Variants in PTK2B observed in about 807,000 individuals in gnomAD.
The protein encoded by PTK2B is protein tyrosine kinase 2 beta.
PTK2B carries 71 observed loss-of-function variants against 142.9 expected under a neutral mutation model. That is an observed-to-expected ratio of 0.50 (90% CI 0.41 to 0.61). PTK2B has a LOEUF of 0.61. Ranked by LOEUF, PTK2B falls within the 20% of genes least tolerant of loss-of-function variation. PTK2B has a pLI of 0.00. For missense variants in PTK2B, 1,105 were observed against 1,320.4 expected, an observed-to-expected ratio of 0.84 and a Z score of 2.53; for synonymous variants, 519 against 503.4, an observed-to-expected ratio of 1.03 and a Z score of -0.42.
chr8:27,383,935 G>C (rs570635346), intron 1 of PTK2B, among the ~76,000 whole-genome samples: 1 of 148,980 alleles, frequency 6.7e-6, no homozygotes, highest in African/African-American at 2.5e-5. Context: ...CACAACCTTC[G>C]CCTCCCAGGT....
At chr8:27,440,567 C>A in intron 21 of PTK2B, 126 bp downstream of exon 21, 1 of 1,117,218 alleles carries the variant, frequency 9.0e-7, no homozygotes, top group Non-Finnish European at 1.3e-6. Flanking sequence ...GGACAGGAGG[C>A]TGAAGCCAGG....
intron 1 of PTK2B, among the ~76,000 whole-genome samples, chr8:27,335,448 C>T (rs945940541): frequency 2.6e-5 from 4 of 152,026 alleles, no homozygotes; most frequent in Non-Finnish European, 5.9e-5. Flanking sequence ...AAAAATTAGC[C>T]GGATATTGTG....
intron 27 of PTK2B, chr8:27,451,868 A>G (rs751770872): frequency 2.5e-5 from 18 of 715,000 alleles, no homozygotes; most frequent in Non-Finnish European, 3.1e-5. Context: ...TGCCTGTCCC[A>G]GTTCAGATTC....
chr8:27,439,213 G>A, intron 19 of PTK2B, 82 bp downstream of exon 19: 3 of 1,561,752 alleles, frequency 1.9e-6, no homozygotes, highest in Non-Finnish European at 2.6e-6. Flanking sequence ...GTCTACAGTT[G>A]GACAGCCCAG....
upstream of PTK2B, chr8:27,311,439 T>C: frequency 3.0e-6 from 2 of 657,642 alleles, no homozygotes; most frequent in East Asian, 6.1e-5. Context: ...CCACTTCCGG[T>C]GTGCGCGGGA....
chr8:27,334,363 C>T (rs1471428545), intron 1 of PTK2B, among the ~76,000 whole-genome samples: 1 of 152,188 alleles, frequency 6.6e-6, no homozygotes, highest in African/African-American at 2.4e-5. Flanking sequence ...CCCAGCCAGC[C>T]TGGTGTGCTC....
chr8:27,403,274 G>A (rs1206369417), intron 2 of PTK2B, among the ~76,000 whole-genome samples: 4 of 152,190 alleles, frequency 2.6e-5, no homozygotes, highest in African/African-American at 9.7e-5. Flanking sequence ...ACATAGGAGT[G>A]TCTGATCAAA....
intron 1 of PTK2B, among the ~76,000 whole-genome samples, chr8:27,343,770 C>A (rs1323536811): frequency 6.6e-6 from 1 of 152,146 alleles, no homozygotes; most frequent in Non-Finnish European, 1.5e-5. Flanking sequence ...GAGGCTGAGG[C>A]AGGTGGATCA....
intron 1 of PTK2B, among the ~76,000 whole-genome samples, chr8:27,344,889 GA>G (rs758929888): frequency 3.9e-4 from 59 of 150,302 alleles, no homozygotes; most frequent in Non-Finnish European, 6.9e-4. Flanking sequence ...ATTAGGGAGA[GA>G]GGCCGGGCAT....
chr8:27,345,172 G>A (rs1804642116), intron 1 of PTK2B, among the ~76,000 whole-genome samples: 1 of 152,152 alleles, frequency 6.6e-6, no homozygotes, highest in South Asian at 2.1e-4. Context: ...AAAAGGGTTA[G>A]GGAGAGGGTC....
At chr8:27,374,847 T>C (rs777095899) in intron 1 of PTK2B, among the ~76,000 whole-genome samples, 1 of 152,192 alleles carries the variant, frequency 6.6e-6, no homozygotes. Context: ...CCTTGAGAGC[T>C]GAGGGGATCA....
intron 2 of PTK2B, among the ~76,000 whole-genome samples, chr8:27,412,183 G>GATT (rs1809107365): frequency 7.3e-6 from 1 of 136,324 alleles, no homozygotes; most frequent in Non-Finnish European, 1.6e-5. Flanking sequence ...ATTGATTGAT[G>GATT]GAATCACTGG....
chr8:27,448,381 A>G (rs1447375503), intron 24 of PTK2B, among the ~76,000 whole-genome samples: 1 of 152,264 alleles, frequency 6.6e-6, no homozygotes, highest in Non-Finnish European at 1.5e-5. Context: ...CAATGTAAGT[A>G]TCCATTACCT....
At position 27,453,098 on chromosome 8, in the gene PTK2B, G is replaced by C; in HGVS notation, c.2549-16G>C. 6.2e-7 allele frequency: 1 copy of C among 1,613,886 alleles called. No individual in the cohort carries two copies. Among genetic ancestry groups the C allele is most frequent in the Non-Finnish European group, 8.5e-7 (1 of 1,179,956 alleles). On this transcript the variant is annotated splice_polypyrimidine_tract_variant and intron_variant, in intron 27 of 30. Transcript: ENST00000346049. ...TGCTGAGAACTGCCCCCCACTTGCT[G>C]TTCTTTTTATTGCAGTGGAGTTCAC...
At chr8:27,438,982 C>T in intron 18 of PTK2B, 49 bp from the exon 19 acceptor site, 1 of 1,497,588 alleles carries the variant, frequency 6.7e-7, no homozygotes, top group Non-Finnish European at 9.3e-7. Flanking sequence ...GTTCCTGCTC[C>T]CATGGGGGTG....
chr8:27,448,253 T>G (rs1290504311), intron 24 of PTK2B, among the ~76,000 whole-genome samples: 2 of 152,216 alleles, frequency 1.3e-5, no homozygotes, highest in Non-Finnish European at 2.9e-5. Context: ...TACTTGTGGA[T>G]GTGGAAATAA....
At chr8:27,390,462 C>T (rs1807645814) in intron 1 of PTK2B, among the ~76,000 whole-genome samples, 1 of 151,912 alleles carries the variant, frequency 6.6e-6, no homozygotes, top group African/African-American at 2.4e-5. Context: ...TAGAGAAACC[C>T]TATCTCTATA....
At chr8:27,315,943 G>A (rs975590124) in intron 3 of PTK2B, among the ~76,000 whole-genome samples, 3 of 152,124 alleles carry the variant, frequency 2.0e-5, no homozygotes, top group African/African-American at 7.2e-5. Flanking sequence ...ATATGGTGGG[G>A]GGGTGGGTAA....
intron 1 of PTK2B, among the ~76,000 whole-genome samples, chr8:27,381,499 T>A (rs1311792771): frequency 6.6e-6 from 1 of 152,256 alleles, no homozygotes; most frequent in Non-Finnish European, 1.5e-5. Flanking sequence ...TCCATGTTGT[T>A]GTGAATGACA....
Sources: gnomAD v4.1 joint callset for allele counts (sites outside exome capture counted in the v4.1 genomes callset) on GRCh38, gnomAD v4.1.1 for gene constraint, MANE v1.5 for transcripts, NCBI Gene and HGNC (gene_info 2026-07-23, HGNC 2026-07-21) for gene names.